RERE: variants seen among roughly 807,000 people sequenced by gnomAD.
RERE encodes the protein arginine-glutamic acid dipeptide repeats protein.
Under a neutral mutation model 146.1 loss-of-function variants are expected in RERE, and 40 were observed. That is an observed-to-expected ratio of 0.27 (90% CI 0.21 to 0.36). The LOEUF (loss-of-function observed/expected upper bound fraction) is 0.36, where lower values mean the gene tolerates loss of function less well. RERE is among the 10% of genes least tolerant of loss of function. The pLI, the probability that RERE is intolerant of heterozygous loss-of-function variation, is 1.00. For missense variants in RERE, 1,933 were observed against 2,138.7 expected (o/e 0.90, Z 1.90); for synonymous variants, 1,003 against 866.0 (o/e 1.16, Z -2.78).
intron 7 of RERE, among the ~76,000 whole-genome samples, chr1:8,530,989 C>CCTGAA (rs1349477974): frequency 3.9e-5 from 6 of 152,028 alleles, no homozygotes; most frequent in African/African-American, 1.4e-4. Flanking sequence ...CCGCGCCCGG[C>CCTGAA]CTGAACTGAA....
chr1:8,808,919 C>T (rs573331511), intron 1 of RERE, among the ~76,000 whole-genome samples: 5 of 152,082 alleles, frequency 3.3e-5, no homozygotes, highest in African/African-American at 7.2e-5. Context: ...AGGCGGATCA[C>T]GAAGTCAGGA....
chr1:8,568,228 C>T (rs1415115009), intron 4 of RERE, among the ~76,000 whole-genome samples: 1 of 152,196 alleles, frequency 6.6e-6, no homozygotes, highest in African/African-American at 2.4e-5. Flanking sequence ...CTAGGTCCTC[C>T]AGCCTTTGGA....
chr1:8,528,562 G>A (rs1645598215), intron 7 of RERE, among the ~76,000 whole-genome samples: 1 of 152,172 alleles, frequency 6.6e-6, no homozygotes, highest in Non-Finnish European at 1.5e-5. Flanking sequence ...GGAAAATACA[G>A]GTTGAGTTAT....
intron 7 of RERE, among the ~76,000 whole-genome samples, chr1:8,521,191 A>AAAAC (rs1645494090): frequency 7.4e-6 from 1 of 135,584 alleles, no homozygotes; most frequent in Non-Finnish European, 1.6e-5. Context: ...AAAAAAAAAA[A>AAAAC]AAGAACTCCA....
chr1:8,375,568 GC>G (rs1324782600), intron 12 of RERE, among the ~76,000 whole-genome samples: 314 of 151,694 alleles, frequency 2.1e-3, no homozygotes, highest in Non-Finnish European at 3.5e-3. Context: ...CACTGAAAAT[GC>G]TTCCTCGCTC....
intron 1 of RERE, among the ~76,000 whole-genome samples, chr1:8,797,037 G>A (rs148731960): frequency 8.6e-5 from 13 of 151,948 alleles, no homozygotes; most frequent in African/African-American, 2.7e-4. Flanking sequence ...CCCAACAGAC[G>A]GAAGCCAGTG....
intron 11 of RERE, among the ~76,000 whole-genome samples, chr1:8,454,647 A>C (rs1032329270): frequency 6.6e-6 from 1 of 152,138 alleles, no homozygotes; most frequent in African/African-American, 2.4e-5. Context: ...TCTACTAAAA[A>C]TACAAAAATT....
At chr1:8,668,962 GT>G (rs1315756104) in intron 1 of RERE, among the ~76,000 whole-genome samples, 36 of 49,628 alleles carry the variant, frequency 7.3e-4, no homozygotes, top group Non-Finnish European at 1.0e-3. Context: ...GTGTGTGTGT[GT>G]TGTGTTTTTA....
At chr1:8,660,024 TA>T (rs1638417567) in intron 1 of RERE, among the ~76,000 whole-genome samples, 1 of 151,980 alleles carries the variant, frequency 6.6e-6, no homozygotes, top group African/African-American at 2.4e-5. Context: ...TGGCTCTATT[TA>T]TATATTACAT....
At chr1:8,503,557 T>C (rs1390749581) in intron 8 of RERE, among the ~76,000 whole-genome samples, 1 of 152,172 alleles carries the variant, frequency 6.6e-6, no homozygotes, top group South Asian at 2.1e-4. Flanking sequence ...TAGAAGGGAA[T>C]GAGAAGGAGC....
Position 8,559,280 on chromosome 1 carries a change from C to CAAAAAAAAAA in RERE, c.523-1767_523-1758dup, listed in dbSNP as rs548075266. ...GGGCAACAAGAGCAAAACTCCAGCT[C>CAAAAAAAAAA]AAAAAAAAAAAAAAAAAAAAAAAAC... On this transcript the variant is annotated intron_variant, in intron 4 of 22. Coordinates refer to ENST00000400908, the MANE Select transcript of RERE (RefSeq NM_001042681.2). 2.1e-3 allele frequency among the ~76,000 whole-genome samples: 25 copies of CAAAAAAAAAA among 12,062 alleles called. 1 individual carries two copies. The highest frequency in any genetic ancestry group is 7.1e-3 in the East Asian group (1 of 140). The allele number at this position is 12,062 out of a possible 152,430, so 7.9% of individuals were successfully genotyped here.
At chr1:8,751,951 CAAA>C (rs34734074) in intron 1 of RERE, among the ~76,000 whole-genome samples, 38 of 131,074 alleles carry the variant, frequency 2.9e-4, no homozygotes, top group Non-Finnish European at 2.6e-4. Context: ...TTTAAGATTG[CAAA>C]AAAAAAAAAA....
At chr1:8,373,481 G>A (rs988286960) in intron 12 of RERE, among the ~76,000 whole-genome samples, 8 of 152,084 alleles carry the variant, frequency 5.3e-5, no homozygotes, top group Non-Finnish European at 1.2e-4. Flanking sequence ...ATCCCAGCAA[G>A]CAACAAATAA....
chr1:8,777,756 C>T (rs1569777005), intron 1 of RERE, among the ~76,000 whole-genome samples: 2 of 151,808 alleles, frequency 1.3e-5, no homozygotes, highest in East Asian at 3.9e-4. Context: ...AGGATGGTCT[C>T]GATCTCCTGA....
At chr1:8,721,603 C>A (rs926237663) in intron 1 of RERE, among the ~76,000 whole-genome samples, 2 of 152,124 alleles carry the variant, frequency 1.3e-5, no homozygotes, top group Non-Finnish European at 2.9e-5. Flanking sequence ...TGTGAGCCAC[C>A]GTGCCTGGCA....
intron 12 of RERE, among the ~76,000 whole-genome samples, chr1:8,419,126 A>C (rs1231975057): frequency 6.6e-6 from 1 of 152,236 alleles, no homozygotes; most frequent in Non-Finnish European, 1.5e-5. Context: ...GTAAATGGTT[A>C]TAGAGAAACA....
intron 1 of RERE, among the ~76,000 whole-genome samples, chr1:8,768,119 A>G (rs1640882418): frequency 6.6e-6 from 1 of 152,224 alleles, no homozygotes; most frequent in Non-Finnish European, 1.5e-5. Flanking sequence ...GGCATCCATT[A>G]GCTGAATGAT....
chr1:8,776,265 C>T (rs761531791), intron 1 of RERE, among the ~76,000 whole-genome samples: 1 of 152,056 alleles, frequency 6.6e-6, no homozygotes, highest in Non-Finnish European at 1.5e-5. Context: ...TTTTTTCATC[C>T]ACCTGAAGTT....
At chr1:8,776,882 A>G (rs1161720512) in intron 1 of RERE, among the ~76,000 whole-genome samples, 2 of 150,312 alleles carry the variant, frequency 1.3e-5, no homozygotes, top group Admixed American at 6.6e-5. Context: ...ACCATGGCCA[A>G]CTAATTTTTT....
Sources: allele counts gnomAD v4.1 joint callset (sites outside exome capture counted in the v4.1 genomes callset), GRCh38; gene constraint gnomAD v4.1.1; transcripts MANE v1.5; gene names NCBI Gene and HGNC (gene_info 2026-07-23, HGNC 2026-07-21).